Variants in ZNF786 observed in about 807,000 individuals in gnomAD.
ZNF786 encodes the protein zinc finger protein 786.
ZNF786 carries 56 observed loss-of-function variants against 63.1 expected under a neutral mutation model. The ratio of observed to expected loss-of-function variants is 0.89; its 90% confidence interval spans 0.72 to 1.11. The LOEUF is 1.11. Ranked by LOEUF, ZNF786 falls within the 50% of genes least tolerant of loss-of-function variation. The pLI is 0.00. For synonymous variants in ZNF786, 485 were observed against 406.9 expected (o/e 1.19, Z -2.31); for missense variants, 1,213 against 1,041.8 (o/e 1.16, Z -2.26).
chr7:149,083,666 AT>A (rs2129516790), intron 1 of ZNF786, among the ~76,000 whole-genome samples: 1 of 152,194 alleles, frequency 6.6e-6, no homozygotes, highest in South Asian at 2.1e-4. Flanking sequence ...CCGATAAGGA[AT>A]TTTTCAGTCC....
In ZNF786 at chr7:149,090,557, G is replaced by A; in HGVS notation, c.18+66C>T. 4.1e-6 allele frequency: 6 copies of A among 1,465,418 alleles called. No homozygotes were observed. The South Asian group carries it at 5.4e-5, about 13-fold the overall frequency. 90.8% of individuals were successfully genotyped at this position (1,465,418 alleles called of 1,614,324 possible). ...CTCACGGGGACCCCAGGACACGGGC[G>A]AGCCCGGAACCCGAGGACCCACCAC... On this transcript the variant is annotated intron_variant, in intron 1 of 3. Coordinates refer to ENST00000491431, the MANE Select transcript of ZNF786 (RefSeq NM_152411.4).
intron 1 of ZNF786, among the ~76,000 whole-genome samples, chr7:149,086,303 C>T (rs1291435723): frequency 1.3e-5 from 2 of 152,146 alleles, no homozygotes; most frequent in East Asian, 1.9e-4. Context: ...CTACTTCTGG[C>T]GAGGGCCTCA....
chr7:149,083,776 T>C (rs1450079373), intron 1 of ZNF786, among the ~76,000 whole-genome samples: 1 of 152,204 alleles, frequency 6.6e-6, no homozygotes, highest in Non-Finnish European at 1.5e-5. Context: ...CTCGCCCTTA[T>C]AAGTGAGAAC....
Position 149,072,362 on chromosome 7 carries a change from G to A in ZNF786, c.410C>T (p.Thr137Ile), listed in dbSNP as rs1825445689. Reference protein sequence around the residue: ...FVSFRPDQGITLGSPQRHDAR... With the variant: ...FVSFRPDQGIILGSPQRHDAR... Reference sequence around the variant, plus strand: ...GTCGTGTCTCTGTGGGCTCCCGAGGGTGATGCCTTGGTCAGGCCTGAAGGA... The same window carrying A: ...GTCGTGTCTCTGTGGGCTCCCGAGGATGATGCCTTGGTCAGGCCTGAAGGA... Residue 137 changes from threonine (T) to isoleucine (I), a missense_variant, in exon 4 of 4, where the codon ACC (threonine) becomes ATC (isoleucine). By Grantham distance (89) the Thr-to-Ile change is moderately conservative (BLOSUM62 -1). Coordinates refer to ENST00000491431, the MANE Select transcript of ZNF786 (RefSeq NM_152411.4). The A allele has an allele frequency of 1.2e-6, 2 of 1,613,610 alleles. No homozygotes were observed. Among genetic ancestry groups the A allele is most frequent in the Non-Finnish European group, 8.5e-7 (1 of 1,179,766 alleles).
chr7:149,080,722 A>C lies in ZNF786; in HGVS notation c.19-5T>G. On this transcript the variant is annotated splice_polypyrimidine_tract_variant and splice_region_variant and intron_variant, in intron 1 of 3. Coordinates refer to ENST00000491431, the MANE Select transcript of ZNF786 (RefSeq NM_152411.4). ...ATCCTCAAAAGTCAGAGGTAGCTGA[A>C]ATTGTAGACATAAGACATATGCATT... 6.2e-7 allele frequency: 1 copy of C among 1,600,596 alleles called. No homozygotes were observed. The highest frequency in any genetic ancestry group is 1.1e-5 in the South Asian group (1 of 88,314).
chr7:149,076,134 G>A (rs7811446), intron 2 of ZNF786, among the ~76,000 whole-genome samples: 1 of 151,190 alleles, frequency 6.6e-6, no homozygotes, highest in Non-Finnish European at 1.5e-5. Flanking sequence ...TGTTTTTTTT[G>A]ACAAAGTTTC....
At chr7:149,083,536 ATTTG>A (rs1825685278) in intron 1 of ZNF786, among the ~76,000 whole-genome samples, 1 of 151,394 alleles carries the variant, frequency 6.6e-6, no homozygotes, top group Admixed American at 6.6e-5. Context: ...TTATTTATTT[ATTTG>A]TTTATTTTAA....
At position 149,071,930 on chromosome 7, in the gene ZNF786, A is replaced by G. The variant is rs1314622623; in HGVS notation, c.842T>C (p.Leu281Pro). Residue 281 changes from leucine (L) to proline (P), a missense_variant, in exon 4 of 4, where the codon CTG becomes CCG. Transcript: ENST00000491431. ...ADGEMCFRHE[L>P]THPSHRLPQQ... ...CGGGAGGCGGTGGCTGGGATGGGTC[A>G]GCTCGTGTCGGAAGCACATTTCACC... is the stretch of plus-strand genomic sequence containing the variant. 3 of 1,609,620 alleles carry G rather than the reference A, an allele frequency of 1.9e-6. No homozygotes were observed. The highest frequency in any genetic ancestry group is 2.5e-6 in the Non-Finnish European group (3 of 1,179,020).
At chr7:149,082,947 G>C (rs759889343) in intron 1 of ZNF786, among the ~76,000 whole-genome samples, 2 of 151,916 alleles carry the variant, frequency 1.3e-5, no homozygotes, top group African/African-American at 4.8e-5. Flanking sequence ...CCAGGCTGGA[G>C]TGCAGTGGCG....
intron 1 of ZNF786, among the ~76,000 whole-genome samples, chr7:149,087,026 A>G (rs1384815430): frequency 6.6e-6 from 1 of 152,076 alleles, no homozygotes; most frequent in Non-Finnish European, 1.5e-5. Flanking sequence ...TATTTTTAGT[A>G]GAGGCAGGGT....
rs1585459690 is a variant in ZNF786 at position 149,071,470 on chromosome 7, G to A, written c.1302C>T (p.Phe434=). Residue 434 remains phenylalanine, a synonymous_variant, in exon 4 of 4, where the codon TTC becomes TTT. Coordinates refer to ENST00000491431, the MANE Select transcript of ZNF786 (RefSeq NM_152411.4). ...PFSCRKCGKG[F]AKQCKLTEHI... is the part of the protein sequence containing the mutation. Reference sequence around the variant, plus strand: ...GCTCCGTGAGTTTACACTGCTTGGCGAAGCCCTTGCCACACTTCCTGCAGG... The same window carrying A: ...GCTCCGTGAGTTTACACTGCTTGGCAAAGCCCTTGCCACACTTCCTGCAGG... 2 of 1,613,066 alleles carry A rather than the reference G, an allele frequency of 1.2e-6. No individual in the cohort carries two copies. The highest frequency in any genetic ancestry group is 1.7e-6 in the Non-Finnish European group (2 of 1,179,816).
Position 149,070,530 on chromosome 7 carries a change from C to T in ZNF786, c.2242G>A (p.Ala748Thr), listed in dbSNP as rs1021153600. 1 of 1,614,026 alleles carries T rather than the reference C, an allele frequency of 6.2e-7. No homozygotes were observed. ...GKGFIYKSKL[A>T]EHIRVHTKSC... ...TTTGTGTGTACTCTGATGTGCTCCG[C>T]AAGCTTAGACTTGTAAATGAAGCCC... is the stretch of plus-strand genomic sequence containing the variant. The change falls in exon 4 of 4, where the codon GCG becomes ACG. Residue 748 changes from alanine (A) to threonine (T), a missense_variant. By Grantham distance (58) the Ala-to-Thr change is moderately conservative (BLOSUM62 0). Coordinates refer to ENST00000491431, the MANE Select transcript of ZNF786 (RefSeq NM_152411.4).
At chr7:149,073,301 C>T (rs1490711273) in intron 3 of ZNF786, among the ~76,000 whole-genome samples, 1 of 152,138 alleles carries the variant, frequency 6.6e-6, no homozygotes, top group African/African-American at 2.4e-5. Flanking sequence ...CTCCTCATGA[C>T]AAGAAATGAA....
intron 2 of ZNF786, among the ~76,000 whole-genome samples, chr7:149,076,686 T>C (rs1264938776): frequency 1.4e-5 from 2 of 139,790 alleles, no homozygotes; most frequent in Non-Finnish European, 3.0e-5. Flanking sequence ...GCCACTGCAC[T>C]CCAGCCTGGG....
At chr7:149,090,137 A>C (rs1188913104) in intron 1 of ZNF786, among the ~76,000 whole-genome samples, 2 of 152,320 alleles carry the variant, frequency 1.3e-5, no homozygotes, top group East Asian at 3.9e-4. Flanking sequence ...ACTCTTCCCA[A>C]CGTATCATCT....
chr7:149,082,108 C>T (rs1448860342), intron 1 of ZNF786, among the ~76,000 whole-genome samples: 1 of 152,150 alleles, frequency 6.6e-6, no homozygotes, highest in East Asian at 1.9e-4. Flanking sequence ...GGGGAGGGGC[C>T]TGGTGGGAGG....
chr7:149,071,970 A>AG lies in ZNF786; in HGVS notation c.801dup (p.Phe268LeufsTer5). 6.2e-7 allele frequency: 1 copy of AG among 1,612,424 alleles called. No homozygotes were observed. The highest frequency in any genetic ancestry group is 8.5e-7 in the Non-Finnish European group (1 of 1,179,808). On this transcript the variant is annotated frameshift_variant, in exon 4 of 4. Transcript: ENST00000491431. LOFTEE classifies it high-confidence loss of function. ...CACATTTCACCGTCAGCGTTCCGGA[A>AG]GGGGCCCCTCCCCGTGTGGGCCGCC...
chr7:149,089,580 G>T (rs1825796917), intron 1 of ZNF786, among the ~76,000 whole-genome samples: 1 of 152,172 alleles, frequency 6.6e-6, no homozygotes, highest in Admixed American at 6.5e-5. Flanking sequence ...GCCTCTCAAA[G>T]TGCTGGGATT....
At chr7:149,074,602 A>G in intron 2 of ZNF786, 64 bp from the exon 3 acceptor site, 1 of 1,516,644 alleles carries the variant, frequency 6.6e-7, no homozygotes, top group East Asian at 2.3e-5. Context: ...AAGTTTCTAA[A>G]TTTCTCAACA....
Sources: gnomAD v4.1 joint callset for allele counts (sites outside exome capture counted in the v4.1 genomes callset) on GRCh38, gnomAD v4.1.1 for gene constraint, MANE v1.5 for transcripts, NCBI Gene and HGNC (gene_info 2026-07-23, HGNC 2026-07-21) for gene names.